The following ABCA1 variants were observed in gnomAD, a reference collection of about 807,000 sequenced individuals.
The protein encoded by ABCA1 is ATP binding cassette subfamily A member 1.
A neutral mutation model predicts 262.5 loss-of-function variants in ABCA1; 133 were observed. The observed-to-expected ratio is 0.51, with a 90% confidence interval of 0.44 to 0.59. The LOEUF (loss-of-function observed/expected upper bound fraction) is 0.59. ABCA1 is among the 20% of genes least tolerant of loss of function. The probability of loss-of-function intolerance (pLI) is 0.00; values close to 1 mark genes in which losing one functional copy is unlikely to be tolerated. For missense variants in ABCA1, 2,452 were observed against 2,777.5 expected, an observed-to-expected ratio of 0.88 and a Z score of 2.63; for synonymous variants, 1,022 against 1,043.5, an observed-to-expected ratio of 0.98 and a Z score of 0.40.
chr9:104,904,483 G>A (rs561246346), intron 1 of ABCA1, among the ~76,000 whole-genome samples: 2 of 151,128 alleles, frequency 1.3e-5, no homozygotes, highest in South Asian at 2.1e-4. Flanking sequence ...CAGGAGAATC[G>A]CTGAACCTGG....
At chr9:104,873,089 G>C (rs1354717710) in intron 5 of ABCA1, among the ~76,000 whole-genome samples, 5 of 152,050 alleles carry the variant, frequency 3.3e-5, no homozygotes, top group African/African-American at 4.8e-5. Context: ...GGCTTTGACA[G>C]GTCTGGGAAA....
At chr9:104,830,842 T>C (rs1364094038) in intron 14 of ABCA1, 83 bp downstream of exon 14, 28 of 1,468,462 alleles carry the variant, frequency 1.9e-5, no homozygotes, top group Non-Finnish European at 2.3e-5. Context: ...CATTCACACA[T>C]GCATGCACAT....
At chr9:104,843,809 CT>C (rs1219678540) in intron 8 of ABCA1, among the ~76,000 whole-genome samples, 1 of 152,192 alleles carries the variant, frequency 6.6e-6, no homozygotes, top group African/African-American at 2.4e-5. Context: ...TCCCATTTAT[CT>C]CACAGAAATA....
At position 104,861,764 on chromosome 9, in the gene ABCA1, G is replaced by T. The variant is rs1836411504; in HGVS notation, c.458C>A (p.Thr153Asn). 5.0e-6 allele frequency: 8 copies of T among 1,612,942 alleles called. No individual in the cohort carries two copies. The highest frequency in any genetic ancestry group is 1.3e-5 in the African/African-American group (1 of 74,686). ...KLQDFLVDNETFSGFLYHNLS... is the reference protein window; with the variant it reads ...KLQDFLVDNENFSGFLYHNLS... ...GTTGTGATACAGGAACCCAGAGAAG[G>T]TTTCATTGTCCACCAGGAAATCTTG... The change falls in exon 6 of 50, where the codon ACC becomes AAC. Residue 153 changes from threonine (T) to asparagine (N), a missense_variant. This residue lies in a region of ABCA1 where 1,032 missense variants were observed against 1,089.7 expected (regional missense o/e 0.95). Transcript: ENST00000374736.
At chr9:104,889,543 A>G (rs1326814284) in intron 2 of ABCA1, 1 of 180,948 alleles carries the variant, frequency 5.5e-6, no homozygotes, top group Non-Finnish European at 1.1e-5. Context: ...TAACCCAGGC[A>G]CACTCCTCCT....
chr9:104,796,169 C>T lies in ABCA1; in HGVS notation c.5266G>A (p.Ala1756Thr), dbSNP rs142382023. Reference sequence around the variant, plus strand: ...CTGGGGATCTTGAACACAAAGGAGGCTGGGTACATGAGAGGTGTGATTGAC... The same window carrying T: ...CTGGGGATCTTGAACACAAAGGAGGTTGGGTACATGAGAGGTGTGATTGAC... ...GWSITPLMYP[A>T]SFVFKIPSTA... Residue 1756 changes from alanine to threonine, a missense_variant, in exon 39 of 50, where the codon GCC (alanine) becomes ACC (threonine). Ala to Thr is a moderately conservative substitution (Grantham distance 58, BLOSUM62 0). Coordinates refer to ENST00000374736, the MANE Select transcript of ABCA1 (RefSeq NM_005502.4). The T allele has an allele frequency of 5.0e-6, 8 of 1,613,976 alleles. No individual in the cohort carries two copies. Among genetic ancestry groups the T allele is most frequent in the Non-Finnish European group, 6.8e-6 (8 of 1,180,036 alleles).
intron 24 of ABCA1, 141 bp from the exon 25 acceptor site, chr9:104,816,486 T>G: frequency 5.0e-6 from 4 of 796,826 alleles, no homozygotes; most frequent in Non-Finnish European, 8.6e-6. Context: ...TTCCACATGT[T>G]CATCTCTGGT....
At position 104,896,752 on chromosome 9, in the gene ABCA1, A is replaced by G. The variant is rs1375081864; in HGVS notation, c.66+6862T>C. Among the ~76,000 whole-genome samples the G allele has an allele frequency of 4.6e-5, 3 of 64,588 alleles. No homozygotes were observed. In the Admixed American group the frequency reaches 7.1e-4, roughly 15 times the overall value. 42.4% of individuals were successfully genotyped at this position (64,588 alleles called of 152,430 possible). On this transcript the variant is annotated intron_variant, in intron 2 of 49. Transcript: ENST00000374736. ...TTTTTTTTTTTTTTTTTTTTTTCAGACAGAGTTTCACTCTGTTGCCCAGGC... is the reference window on the plus strand; with the variant it reads ...TTTTTTTTTTTTTTTTTTTTTTCAGGCAGAGTTTCACTCTGTTGCCCAGGC...
chr9:104,890,473 T>C (rs1314274665), intron 2 of ABCA1, among the ~76,000 whole-genome samples: 1 of 151,794 alleles, frequency 6.6e-6, no homozygotes, highest in Non-Finnish European at 1.5e-5. Context: ...CCCAGGTACT[T>C]GGGAGGCTGA....
chr9:104,792,773 T>C lies in ABCA1; in HGVS notation c.5757+13A>G, dbSNP rs1346979434. 6 of 1,613,974 alleles carry C rather than the reference T, an allele frequency of 3.7e-6. No individual in the cohort carries two copies. The Admixed American group carries it at 6.7e-5, about 18-fold the overall frequency. On this transcript the variant is annotated intron_variant, in intron 42 of 49. Transcript: ENST00000374736. ...AAACTGAAGATGAGCTATTGTAACC[T>C]GTACTCTCTCACCTTCGTCAACTCC...
At position 104,796,339 on chromosome 9, in the gene ABCA1, G is replaced by C; in HGVS notation, c.5207C>G (p.Pro1736Arg). ...QKSYVSSTNL[P>R]VLALLLLLYG... ...CAGCAAAAGTAGAAGGGCTAGCACA[G>C]GCAGATTGGTGGAGGACACATAGGA... Residue 1736 changes from proline to arginine, a missense_variant, in exon 38 of 50, where the codon CCT becomes CGT. Pro to Arg is a moderately radical substitution (Grantham distance 103, BLOSUM62 -2). This residue lies in a region of ABCA1 where 752 missense variants were observed against 944.5 expected (regional missense o/e 0.80). Transcript: ENST00000374736. The C allele has an allele frequency of 6.2e-7, 1 of 1,614,210 alleles. No homozygotes were observed. The highest frequency in any genetic ancestry group is 1.6e-4 in the Middle Eastern group (1 of 6,062).
intron 2 of ABCA1, among the ~76,000 whole-genome samples, chr9:104,902,220 A>AT (rs752835668): frequency 2.0e-5 from 3 of 152,204 alleles, no homozygotes; most frequent in African/African-American, 7.2e-5. Flanking sequence ...ACACATATGG[A>AT]TTTTTTAAAT....
chr9:104,787,569 T>C (rs886077953), intron 46 of ABCA1, among the ~76,000 whole-genome samples: 2 of 152,220 alleles, frequency 1.3e-5, no homozygotes, highest in African/African-American at 4.8e-5. Flanking sequence ...TATGACCTAG[T>C]TGCTACCTTG....
At chr9:104,927,275 A>G (rs2085778440) in intron 1 of ABCA1, among the ~76,000 whole-genome samples, 1 of 151,998 alleles carries the variant, frequency 6.6e-6, no homozygotes, top group African/African-American at 2.4e-5. Flanking sequence ...ACACCAGCTC[A>G]GCTGAGCGCA....
At chr9:104,855,935 T>G in intron 7 of ABCA1, 1 of 1,612,846 alleles carries the variant, frequency 6.2e-7, no homozygotes, top group Non-Finnish European at 8.5e-7. Flanking sequence ...AAAATATGTC[T>G]CTCGTGAAAT....
chr9:104,834,135 T>C (rs1833590654), intron 11 of ABCA1, among the ~76,000 whole-genome samples: 2 of 149,996 alleles, frequency 1.3e-5, no homozygotes, highest in South Asian at 2.1e-4. Flanking sequence ...AATGGCAGCA[T>C]AATGATTGTA....
chr9:104,923,444 C>T (rs148634136), intron 1 of ABCA1, among the ~76,000 whole-genome samples: 3 of 152,168 alleles, frequency 2.0e-5, no homozygotes, highest in Admixed American at 6.5e-5. Context: ...GCAATCCCTA[C>T]GCAACCAAGG....
At position 104,783,773 on chromosome 9, in the gene ABCA1, C is replaced by T. The variant is rs1277856558; in HGVS notation, c.*542G>A. The T allele has an allele frequency of 1.2e-5, 2 of 160,132 alleles. No homozygotes were observed. Among genetic ancestry groups the T allele is most frequent in the Admixed American group, 1.2e-4 (2 of 16,718 alleles). The allele number at this position is 160,132 out of a possible 1,614,324, so 9.9% of individuals were successfully genotyped here. Reference sequence around the variant, plus strand: ...GCAGAGCAGCTTTCACAAAAGTGAGCATGACACACCATGGTGCTTCAAACT... The same window carrying T: ...GCAGAGCAGCTTTCACAAAAGTGAGTATGACACACCATGGTGCTTCAAACT... On this transcript the variant is annotated 3_prime_UTR_variant, in exon 50 of 50. Coordinates refer to ENST00000374736, the MANE Select transcript of ABCA1 (RefSeq NM_005502.4).
chr9:104,910,320 C>T (rs1478952059), intron 1 of ABCA1, among the ~76,000 whole-genome samples: 1 of 152,214 alleles, frequency 6.6e-6, no homozygotes, highest in African/African-American at 2.4e-5. Context: ...ATCTTATAGA[C>T]AGAGAAGCTG....
Sources: gnomAD v4.1 joint callset for allele counts (sites outside exome capture counted in the v4.1 genomes callset) on GRCh38, gnomAD v4.1.1 for gene constraint, gnomAD v4.1.1 regional missense constraint, MANE v1.5 for transcripts, NCBI Gene and HGNC (gene_info 2026-07-23, HGNC 2026-07-21) for gene names.